The following CYSLTR2 variants were observed in gnomAD, a reference collection of about 807,000 sequenced individuals.
CYSLTR2 encodes G-protein coupled receptor GPCR21.
For synonymous variants in CYSLTR2, 179 were observed against 160.8 expected (o/e 1.11, Z -0.86); for missense variants, 398 against 411.9 (o/e 0.97, Z 0.29).
At chr13:48,695,957 A>G (rs934681662) in intron 3 of CYSLTR2, among the ~76,000 whole-genome samples, 4 of 152,222 alleles carry the variant, frequency 2.6e-5, no homozygotes, top group Non-Finnish European at 4.4e-5. Flanking sequence ...TGGTAGTTGC[A>G]TGTATAGTTT....
chr13:48,671,185 A>G (rs1431782835), intron 1 of CYSLTR2, among the ~76,000 whole-genome samples: 1 of 152,200 alleles, frequency 6.6e-6, no homozygotes, highest in Non-Finnish European at 1.5e-5. Context: ...GGCTGAGATT[A>G]TAGGGTTTTG....
intron 1 of CYSLTR2, among the ~76,000 whole-genome samples, chr13:48,680,994 G>A (rs1456103473): frequency 6.6e-6 from 1 of 151,840 alleles, no homozygotes; most frequent in African/African-American, 2.4e-5. Context: ...GAGGTTTCTA[G>A]GAAGGATGTT....
At position 48,709,307 on chromosome 13, in the gene CYSLTR2, G is replaced by T. The variant is rs945097147; in HGVS notation, c.*1449G>T. ...TTGACTCATAGTACAGTAAAGGGTGGAGGTGATATGGCATTCTGAAAGTAG... is the reference window on the plus strand; with the variant it reads ...TTGACTCATAGTACAGTAAAGGGTGTAGGTGATATGGCATTCTGAAAGTAG... On this transcript the variant is annotated 3_prime_UTR_variant, in exon 5 of 5. Transcript: ENST00000682523. The T allele has an allele frequency of 1.2e-5, 2 of 167,030 alleles. No homozygotes were observed. The highest frequency in any genetic ancestry group is 4.8e-5 in the African/African-American group (2 of 41,428). The allele number at this position is 167,030 out of a possible 1,614,324, so 10.3% of individuals were successfully genotyped here. A position where few individuals can be genotyped will look rare whatever the true frequency, so the allele number is the denominator to read the frequency against.
intron 4 of CYSLTR2, among the ~76,000 whole-genome samples, chr13:48,699,378 C>T (rs76579923): frequency 0.044 from 6,640 of 152,278 alleles, 185 homozygotes; most frequent in Middle Eastern, 0.11. Flanking sequence ...CTCAAAACTT[C>T]GCAACTACGT....
chr13:48,680,800 C>CTTTTTTTTTTTTTTTTTTTTTTTTTTT (rs139896583), intron 1 of CYSLTR2, among the ~76,000 whole-genome samples: 4 of 55,050 alleles, frequency 7.3e-5, no homozygotes, highest in Non-Finnish European at 1.4e-4. Context: ...CTTTTCTTTT[C>CTTTTTTTTTTTTTTTTTTTTTTTTTTT]TTTTTTTTTT....
chr13:48,672,619 T>TTC lies in CYSLTR2; in HGVS notation c.-265-18592_-265-18591insCT, dbSNP rs781414350. ...TGAGTTTCTTTTCTTTTCTTTTCTT[T>TTC]TTTTTTTTTTTTTTTTGAGACAGAA... is the stretch of plus-strand genomic sequence containing the variant. On this transcript the variant is annotated intron_variant, in intron 1 of 4. Coordinates refer to ENST00000682523, the MANE Select transcript of CYSLTR2 (RefSeq NM_001308476.3). Among the ~76,000 whole-genome samples, 177 of 68,900 alleles carry TTC rather than the reference T, an allele frequency of 2.6e-3. No individual in the cohort carries two copies. The African/African-American group carries it at 0.033, about 13-fold the overall frequency. 45.2% of individuals were successfully genotyped at this position (68,900 alleles called of 152,430 possible).
chr13:48,702,430 A>G (rs9595972), intron 4 of CYSLTR2, among the ~76,000 whole-genome samples: 56,321 of 152,086 alleles, frequency 0.37, 11,578 homozygotes, highest in South Asian at 0.49. Context: ...TAAAAACTTT[A>G]CATTCTACAT....
chr13:48,691,480 G>T (rs1250913390), intron 2 of CYSLTR2, among the ~76,000 whole-genome samples, 179 bp downstream of exon 2: 3 of 152,056 alleles, frequency 2.0e-5, no homozygotes, highest in Non-Finnish European at 4.4e-5. Flanking sequence ...GGAATTATTA[G>T]GTTTAGTGTA....
intron 1 of CYSLTR2, among the ~76,000 whole-genome samples, chr13:48,684,941 G>A (rs780718456): frequency 1.3e-5 from 2 of 152,174 alleles, no homozygotes; most frequent in African/African-American, 2.4e-5. Context: ...GGCAAGAAGT[G>A]CCAAGGATTG....
Position 48,691,883 on chromosome 13 carries a change from T to C in CYSLTR2, c.-176+582T>C, listed in dbSNP as rs114592740. Among the ~76,000 whole-genome samples, 343 of 152,088 alleles carry C rather than the reference T, an allele frequency of 2.3e-3. 1 individual carries two copies. Among genetic ancestry groups the C allele is most frequent in the African/African-American group, 7.7e-3 (320 of 41,564 alleles). Reference sequence around the variant, plus strand: ...TAAAAATATTTTTATCAGCTTTTTATTAGTAAGTTTGGTAAATAAAAGAGC... The same window carrying C: ...TAAAAATATTTTTATCAGCTTTTTACTAGTAAGTTTGGTAAATAAAAGAGC... On this transcript the variant is annotated intron_variant, in intron 2 of 4. Coordinates refer to ENST00000682523, the MANE Select transcript of CYSLTR2 (RefSeq NM_001308476.3).
At chr13:48,676,613 A>C (rs961874146) in intron 1 of CYSLTR2, among the ~76,000 whole-genome samples, 1 of 152,200 alleles carries the variant, frequency 6.6e-6, no homozygotes, top group African/African-American at 2.4e-5. Flanking sequence ...ATTAAAGAAA[A>C]CTTCCCAATA....
intron 1 of CYSLTR2, among the ~76,000 whole-genome samples, chr13:48,673,725 CT>C (rs1390477427): frequency 6.6e-6 from 1 of 152,072 alleles, no homozygotes; most frequent in Non-Finnish European, 1.5e-5. Context: ...TGTCGACGGT[CT>C]TTACATTTTG....
intron 1 of CYSLTR2, among the ~76,000 whole-genome samples, chr13:48,684,776 A>C (rs1215212306): frequency 1.3e-5 from 2 of 152,198 alleles, no homozygotes; most frequent in East Asian, 3.8e-4. Flanking sequence ...GTTAAGAAGA[A>C]GTCATACTGG....
In CYSLTR2 at chr13:48,663,654, T is replaced by C. The variant is rs559189684; in HGVS notation, c.-266+9637T>C. 7.2e-5 allele frequency among the ~76,000 whole-genome samples: 11 copies of C among 152,222 alleles called. No homozygotes were observed. In the South Asian group the frequency reaches 2.1e-3, roughly 29 times the overall value. ...TTTTTTCCAGCTAGTTCATTGTTTGTGTAGAAAACACTACTGATGTTTGTA... is the reference window on the plus strand; with the variant it reads ...TTTTTTCCAGCTAGTTCATTGTTTGCGTAGAAAACACTACTGATGTTTGTA... On this transcript the variant is annotated intron_variant, in intron 1 of 4. Coordinates refer to ENST00000682523, the MANE Select transcript of CYSLTR2 (RefSeq NM_001308476.3).
intron 1 of CYSLTR2, among the ~76,000 whole-genome samples, chr13:48,684,146 C>A (rs548601813): frequency 1.3e-5 from 2 of 152,132 alleles, no homozygotes; most frequent in African/African-American, 4.8e-5. Flanking sequence ...CCAGGCTGAT[C>A]TTGAACTCTG....
At position 48,710,361 on chromosome 13, in the gene CYSLTR2, C is replaced by T. The variant is rs763723114; in HGVS notation, c.*2503C>T. ...CTCCAGTGGATCCACAATGTATATGCTACCCACCCATGAGTCACTTAGTCA... is the reference window on the plus strand; with the variant it reads ...CTCCAGTGGATCCACAATGTATATGTTACCCACCCATGAGTCACTTAGTCA... On this transcript the variant is annotated 3_prime_UTR_variant, in exon 5 of 5. Coordinates refer to ENST00000682523, the MANE Select transcript of CYSLTR2 (RefSeq NM_001308476.3). 5.9e-5 allele frequency: 9 copies of T among 152,174 alleles called. No homozygotes were observed. Among genetic ancestry groups the T allele is most frequent in the Non-Finnish European group, 1.2e-4 (8 of 68,040 alleles). 9.4% of individuals were successfully genotyped at this position (152,174 alleles called of 1,614,324 possible).
rs537801842 is a variant in CYSLTR2 at position 48,681,050 on chromosome 13, C to G, written c.-265-10162C>G. Reference sequence around the variant, plus strand: ...TTAGCTTTCTGGGGAATAAGATGCTCTCAGTATCAATGCCTCTGGCTTCTG... The same window carrying G: ...TTAGCTTTCTGGGGAATAAGATGCTGTCAGTATCAATGCCTCTGGCTTCTG... On this transcript the variant is annotated intron_variant, in intron 1 of 4. Coordinates refer to ENST00000682523, the MANE Select transcript of CYSLTR2 (RefSeq NM_001308476.3). Among the ~76,000 whole-genome samples, 246 of 152,062 alleles carry G rather than the reference C, an allele frequency of 1.6e-3. 1 individual carries two copies. Among genetic ancestry groups the G allele is most frequent in the African/African-American group, 5.6e-3 (233 of 41,478 alleles).
At chr13:48,668,687 C>A (rs1402070986) in intron 1 of CYSLTR2, among the ~76,000 whole-genome samples, 1 of 151,710 alleles carries the variant, frequency 6.6e-6, no homozygotes, top group African/African-American at 2.4e-5. Context: ...ATATATGTGC[C>A]ATGGTGGTTT....
At chr13:48,673,750 C>T (rs892675884) in intron 1 of CYSLTR2, among the ~76,000 whole-genome samples, 1 of 152,058 alleles carries the variant, frequency 6.6e-6, no homozygotes, top group African/African-American at 2.4e-5. Flanking sequence ...TGTTTTTGCA[C>T]TAGCTGGTAC....
Sources: allele counts gnomAD v4.1 joint callset (sites outside exome capture counted in the v4.1 genomes callset), GRCh38; gene constraint gnomAD v4.1.1; transcripts MANE v1.5; gene names NCBI Gene and HGNC (gene_info 2026-07-23, HGNC 2026-07-21).